Variants in PKD1L1 observed in about 807,000 individuals in gnomAD.
PKD1L1 encodes the protein polycystin 1 like 1, transient receptor potential channel interacting.
Under a neutral mutation model 323.4 loss-of-function variants are expected in PKD1L1, and 236 were observed. The ratio of observed to expected loss-of-function variants is 0.73; its 90% confidence interval spans 0.66 to 0.81. The LOEUF (loss-of-function observed/expected upper bound fraction) is 0.81, where lower values mean the gene tolerates loss of function less well. Ranked by LOEUF, PKD1L1 falls within the 40% of genes least tolerant of loss-of-function variation. The probability of loss-of-function intolerance (pLI) is 0.00; values close to 1 mark genes in which losing one functional copy is unlikely to be tolerated. For synonymous variants in PKD1L1, 1,344 were observed against 1,335.0 expected, an observed-to-expected ratio of 1.01 and a Z score of -0.15; for missense variants, 3,320 against 3,508.0, an observed-to-expected ratio of 0.95 and a Z score of 1.35.
chr7:47,916,158 A>C (rs1490762052), intron 7 of PKD1L1, among the ~76,000 whole-genome samples: 1 of 152,240 alleles, frequency 6.6e-6, no homozygotes, highest in East Asian at 1.9e-4. Context: ...GTTCTGCACC[A>C]GCCATTTGAA....
intron 28 of PKD1L1, 128 bp downstream of exon 28, chr7:47,857,477 G>C: frequency 1.4e-6 from 1 of 719,032 alleles, no homozygotes; most frequent in Admixed American, 2.5e-5. Flanking sequence ...TCTTGGCACT[G>C]AGAGGGTGCA....
chr7:47,946,856 T>C lies in PKD1L1; in HGVS notation c.44+1541A>G, dbSNP rs1438461283. On this transcript the variant is annotated intron_variant, in intron 1 of 56. Coordinates refer to ENST00000289672, the MANE Select transcript of PKD1L1 (RefSeq NM_138295.5). The surrounding 1 kb of genome is among the most constrained non-coding windows in gnomAD (Gnocchi z 4.1). ...CCAATTACAATGGCTAGTGCGTGCA[T>C]GAACTAGTTGGTCTGCAAGTACAAG... 5.8e-5 allele frequency among the ~76,000 whole-genome samples: 8 copies of C among 138,798 alleles called. No homozygotes were observed. The highest frequency in any genetic ancestry group is 5.5e-4 in the Admixed American group (8 of 14,666). 91.1% of individuals were successfully genotyped at this position (138,798 alleles called of 152,430 possible).
intron 2 of PKD1L1, among the ~76,000 whole-genome samples, chr7:47,942,813 A>C (rs923950948): frequency 3.9e-5 from 6 of 152,048 alleles, no homozygotes; most frequent in Non-Finnish European, 8.8e-5. Flanking sequence ...GACCTCCTAA[A>C]GCAGAAAGTC....
chr7:47,884,686 T>C lies in PKD1L1; in HGVS notation c.3206-29A>G, dbSNP rs758165931. The C allele has an allele frequency of 2.5e-6, 4 of 1,578,842 alleles. No individual in the cohort carries two copies. The South Asian group carries it at 4.4e-5, about 17-fold the overall frequency. ...TAAGAAAGGACAAAATCATAATGTT[T>C]CCTTTAAAATCACAGAATCCCCTGA... On this transcript the variant is annotated intron_variant, in intron 18 of 56. Transcript: ENST00000289672.
chr7:47,892,296 G>C (rs928720900), intron 15 of PKD1L1, among the ~76,000 whole-genome samples: 1 of 152,158 alleles, frequency 6.6e-6, no homozygotes, highest in Non-Finnish European at 1.5e-5. Flanking sequence ...GCTGCAGAAG[G>C]AACCCTTGCT....
At position 47,807,539 on chromosome 7, in the gene PKD1L1, G is replaced by A. The variant is rs965457884; in HGVS notation, c.7827+708C>T. Reference sequence around the variant, plus strand: ...CTAGATGGGAAAAGGAGGACAAGGGGGTTAGGGAGGGGCTAGATCTGAGGG... The same window carrying A: ...CTAGATGGGAAAAGGAGGACAAGGGAGTTAGGGAGGGGCTAGATCTGAGGG... On this transcript the variant is annotated intron_variant, in intron 52 of 56. Transcript: ENST00000289672. 7.2e-5 allele frequency among the ~76,000 whole-genome samples: 11 copies of A among 152,254 alleles called. No homozygotes were observed. The East Asian group carries it at 1.4e-3, about 19-fold the overall frequency.
chr7:47,837,859 A>G (rs1232262206), intron 36 of PKD1L1, among the ~76,000 whole-genome samples: 1 of 152,250 alleles, frequency 6.6e-6, no homozygotes, highest in Non-Finnish European at 1.5e-5. Context: ...TGAGCAGAGC[A>G]CAGAAGCGAA....
rs760118391 is a variant in PKD1L1, at chr7:47,865,288, A to C, written c.4093-16T>G. 6.2e-7 allele frequency: 1 copy of C among 1,606,994 alleles called. No individual in the cohort carries two copies. Among genetic ancestry groups the C allele is most frequent in the Non-Finnish European group, 8.5e-7 (1 of 1,175,802 alleles). ...TCATTTCTTCCTGACCAGAAGAAACAACAATAAAACAAAAAGAAAATGCAA... is the reference window on the plus strand; with the variant it reads ...TCATTTCTTCCTGACCAGAAGAAACCACAATAAAACAAAAAGAAAATGCAA... On this transcript the variant is annotated splice_polypyrimidine_tract_variant and intron_variant, in intron 25 of 56. Transcript: ENST00000289672.
chr7:47,813,069 T>C (rs1332230310), intron 49 of PKD1L1, 52 bp downstream of exon 49: 5 of 1,582,766 alleles, frequency 3.2e-6, no homozygotes. Context: ...GCACCAGAGC[T>C]GGAGTGGCGG....
At chr7:47,866,095 AC>A (rs1264998357) in intron 25 of PKD1L1, among the ~76,000 whole-genome samples, 1 of 152,218 alleles carries the variant, frequency 6.6e-6, no homozygotes, top group Non-Finnish European at 1.5e-5. Context: ...CAGAAGTTGC[AC>A]AAAATCATGA....
At chr7:47,792,895 G>A in intron 55 of PKD1L1, 98 bp from the exon 56 acceptor site, 3 of 1,157,922 alleles carry the variant, frequency 2.6e-6, no homozygotes, top group Non-Finnish European at 3.7e-6. Context: ...TCTGTAGACA[G>A]TATTGGGCTA....
At position 47,876,225 on chromosome 7, in the gene PKD1L1, C is replaced by T. The variant is rs1001104780; in HGVS notation, c.3664-8G>A. 3.1e-6 allele frequency: 5 copies of T among 1,613,494 alleles called. No homozygotes were observed. The African/African-American group carries it at 5.3e-5, about 17-fold the overall frequency. Reference sequence around the variant, plus strand: ...AAATTCATAATGGAAGTCCTATGATCCAGTCCAAGGGAGCAAAAATAGTAT... The same window carrying T: ...AAATTCATAATGGAAGTCCTATGATTCAGTCCAAGGGAGCAAAAATAGTAT... On this transcript the variant is annotated splice_polypyrimidine_tract_variant and splice_region_variant and intron_variant, in intron 22 of 56. Coordinates refer to ENST00000289672, the MANE Select transcript of PKD1L1 (RefSeq NM_138295.5).
chr7:47,953,391 G>A (rs983943747), upstream of PKD1L1, among the ~76,000 whole-genome samples: 4 of 152,158 alleles, frequency 2.6e-5, no homozygotes, highest in Non-Finnish European at 5.9e-5. Flanking sequence ...ATTTGATATA[G>A]ACAACTGGTA....
rs372247754 is a variant in PKD1L1, at chr7:47,855,210, T to C, written c.4646A>G (p.Asn1549Ser). ...CACGGGTTTCCTTAGCCATTGCCTG[T>C]TGATGGGTCTTCTGCTGGAGCAGGT... ...LYTCSSRRPI[N>S]RQWLRKPVMV... Residue 1549 changes from asparagine to serine, a missense_variant, in exon 29 of 57, where the codon AAC becomes AGC. Asn to Ser is a conservative substitution (Grantham distance 46, BLOSUM62 1). Coordinates refer to ENST00000289672, the MANE Select transcript of PKD1L1 (RefSeq NM_138295.5). 1 of 1,614,216 alleles carries C rather than the reference T, an allele frequency of 6.2e-7. No individual in the cohort carries two copies. The highest frequency in any genetic ancestry group is 8.5e-7 in the Non-Finnish European group (1 of 1,180,032).
intron 51 of PKD1L1, among the ~76,000 whole-genome samples, 161 bp from the exon 52 acceptor site, chr7:47,808,548 T>A (rs148947610): frequency 6.6e-6 from 1 of 152,264 alleles, no homozygotes; most frequent in East Asian, 1.9e-4. Flanking sequence ...GGGGGAACAT[T>A]ATAGGGTGCA....
In PKD1L1 at chr7:47,809,622, TA is replaced by T. The variant is rs930765423; in HGVS notation, c.7582-46del. 1.2e-5 allele frequency: 17 copies of T among 1,429,252 alleles called. No homozygotes were observed. The Admixed American group carries it at 2.2e-4, about 18-fold the overall frequency. 88.5% of individuals were successfully genotyped at this position (1,429,252 alleles called of 1,614,324 possible). A position where few individuals can be genotyped will look rare whatever the true frequency, so the allele number is the denominator to read the frequency against. Reference sequence around the variant, plus strand: ...CAAACAAGATCAATAGGAATGCTGATAAATTGTTTTTTGAAGGTCTAAACAT... The same window carrying T: ...CAAACAAGATCAATAGGAATGCTGATAATTGTTTTTTGAAGGTCTAAACAT... On this transcript the variant is annotated intron_variant, in intron 50 of 56. Transcript: ENST00000289672.
intron 46 of PKD1L1, chr7:47,819,388 AAAT>A (rs1458132340): frequency 4.8e-6 from 2 of 420,484 alleles, no homozygotes; most frequent in Non-Finnish European, 8.2e-6. Context: ...GAAATATGTC[AAAT>A]AATGTTGACT....
At chr7:47,830,657 G>A (rs1785328422) in intron 42 of PKD1L1, among the ~76,000 whole-genome samples, 1 of 152,164 alleles carries the variant, frequency 6.6e-6, no homozygotes, top group African/African-American at 2.4e-5. Flanking sequence ...TTGAGGAGAG[G>A]GGAGAGACGG....
chr7:47,912,815 C>CAAAAA (rs59792729), intron 8 of PKD1L1, among the ~76,000 whole-genome samples: 847 of 62,992 alleles, frequency 0.013, 1 homozygote, highest in Middle Eastern at 0.031. Flanking sequence ...GACTGTGTCT[C>CAAAAA]AAAAAAAAAA....
Sources: gnomAD v4.1 joint callset for allele counts (sites outside exome capture counted in the v4.1 genomes callset) on GRCh38, gnomAD v4.1.1 for gene constraint, Gnocchi (gnomAD v3.1) non-coding constraint, MANE v1.5 for transcripts, NCBI Gene and HGNC (gene_info 2026-07-23, HGNC 2026-07-21) for gene names.